The following KAZN variants were observed in gnomAD, a reference collection of about 807,000 sequenced individuals.
The protein encoded by KAZN is kazrin.
In KAZN, 40 loss-of-function variants were observed where a neutral mutation model predicts 87.4. The ratio of observed to expected loss-of-function variants is 0.46; its 90% confidence interval spans 0.36 to 0.60. KAZN has a LOEUF of 0.60. Among genes scored for constraint, KAZN ranks in the 20% least tolerant of loss-of-function variants. The probability of loss-of-function intolerance (pLI) is 0.00; values close to 1 mark genes in which losing one functional copy is unlikely to be tolerated. For synonymous variants in KAZN, 466 were observed against 458.3 expected (o/e 1.02, Z -0.22); for missense variants, 898 against 1,073.9 (o/e 0.84, Z 2.29).
At chr1:14,997,210 TTTATTTATTTATTTA>T (rs1667976307) in intron 2 of KAZN, among the ~76,000 whole-genome samples, 1 of 71,448 alleles carries the variant, frequency 1.4e-5, no homozygotes, top group African/African-American at 1.1e-4. Context: ...CTTTCATTTA[TTTATTTATTTATTTA>T]TTTATTTATT....
chr1:14,432,159 C>T (rs1179113728), intron 2 of KAZN, among the ~76,000 whole-genome samples: 1 of 152,190 alleles, frequency 6.6e-6, no homozygotes, highest in African/African-American at 2.4e-5. Context: ...GGAGAAGCAG[C>T]TACACACCCT....
chr1:14,304,878 C>T (rs981590134), intron 2 of KAZN, among the ~76,000 whole-genome samples: 5 of 151,650 alleles, frequency 3.3e-5, no homozygotes, highest in African/African-American at 9.7e-5. Flanking sequence ...AGGACTGTGT[C>T]GTCTTTCATC....
At chr1:14,141,961 AT>A (rs5772566) in intron 1 of KAZN, among the ~76,000 whole-genome samples, 1 of 151,874 alleles carries the variant, frequency 6.6e-6, no homozygotes, top group African/African-American at 2.4e-5. Context: ...GAGAATTGAT[AT>A]TTTTTCCCCT....
At chr1:14,094,948 G>A (rs897470329) in intron 1 of KAZN, among the ~76,000 whole-genome samples, 6 of 152,152 alleles carry the variant, frequency 3.9e-5, no homozygotes, top group East Asian at 1.9e-4. Context: ...TTTGGGGGCC[G>A]CAATGTTCAA....
chr1:14,511,439 G>A (rs1003958215), intron 2 of KAZN, among the ~76,000 whole-genome samples: 3 of 152,182 alleles, frequency 2.0e-5, no homozygotes, highest in African/African-American at 7.2e-5. Context: ...AAAGAATTTA[G>A]GGAACAAATT....
In KAZN at chr1:14,773,991, G is replaced by A. The variant is rs1376056006; in HGVS notation, c.226+174768G>A. On this transcript the variant is annotated intron_variant, in intron 1 of 14. Transcript: ENST00000376030. The surrounding 1 kb of genome is among the most constrained non-coding windows in gnomAD (Gnocchi z 5.9). ...GGCTGCTGCCAACCAAGGCGCCCTT[G>A]TGGGCTGTTCACCTGAGCTGCCGCC... 6.6e-6 allele frequency among the ~76,000 whole-genome samples: 1 copy of A among 152,232 alleles called. No individual in the cohort carries two copies. Among genetic ancestry groups the A allele is most frequent in the Non-Finnish European group, 1.5e-5 (1 of 68,042 alleles).
At chr1:14,212,495 A>T (rs1052324067) in intron 2 of KAZN, among the ~76,000 whole-genome samples, 16 of 152,228 alleles carry the variant, frequency 1.1e-4, no homozygotes, top group Non-Finnish European at 1.8e-4. Context: ...AAAAAAAAAA[A>T]AGGTAAAATG....
intron 11 of KAZN, among the ~76,000 whole-genome samples, chr1:15,102,258 AAAAG>A: frequency 6.6e-6 from 1 of 152,356 alleles, no homozygotes; most frequent in South Asian, 2.1e-4. Context: ...AAAAAAGAAA[AAAAG>A]AAAACCCAGA....
rs114909978 is a variant in KAZN, at chr1:14,695,966, G to A, written c.226+96743G>A. The stretch of plus-strand genomic sequence containing the variant: ...CCTGTTTTGGTGAATACAGTAAAAA[G>A]CCTTCCAGGAGACGTGTTGATACAC... On this transcript the variant is annotated intron_variant, in intron 1 of 14. Coordinates refer to ENST00000376030, the MANE Select transcript of KAZN (RefSeq NM_201628.3). 5.7e-3 allele frequency among the ~76,000 whole-genome samples: 868 copies of A among 152,282 alleles called. 5 individuals are homozygous for A. The highest frequency in any genetic ancestry group is 0.01 in the Admixed American group (160 of 15,302).
intron 1 of KAZN, among the ~76,000 whole-genome samples, chr1:14,098,681 G>A (rs1397575277): frequency 6.6e-6 from 1 of 152,090 alleles, no homozygotes; most frequent in Non-Finnish European, 1.5e-5. Context: ...TGTAGGGTTG[G>A]GGCCATTTGG....
chr1:14,527,574 G>C (rs999416925), intron 2 of KAZN, among the ~76,000 whole-genome samples: 5 of 150,968 alleles, frequency 3.3e-5, no homozygotes, highest in African/African-American at 1.2e-4. Flanking sequence ...AACGATACAG[G>C]TTTATCTGGC....
intron 8 of KAZN, among the ~76,000 whole-genome samples, chr1:15,092,452 T>C (rs1640596114): frequency 8.5e-6 from 1 of 117,850 alleles, no homozygotes; most frequent in Non-Finnish European, 2.1e-5. Context: ...TGTGTTTTTA[T>C]TTGTTTTGTT....
intron 2 of KAZN, among the ~76,000 whole-genome samples, chr1:14,339,244 T>A (rs1204631009): frequency 6.6e-6 from 1 of 152,220 alleles, no homozygotes; most frequent in Admixed American, 6.5e-5. Context: ...CCTGTTCTCA[T>A]TCTTTGAATG....
intron 1 of KAZN, among the ~76,000 whole-genome samples, chr1:14,128,968 AAGGGAATTTTAACATAAGCCTAGC>A (rs1472582974): frequency 6.6e-6 from 1 of 152,170 alleles, no homozygotes; most frequent in Non-Finnish European, 1.5e-5. Flanking sequence ...TTCCATCTTT[AAGGGAATTTTAACATAAGCCTAGC>A]AGGTAATAAA....
chr1:13,978,397 A>G (rs1002294546), intron 1 of KAZN, among the ~76,000 whole-genome samples: 7 of 151,812 alleles, frequency 4.6e-5, no homozygotes, highest in South Asian at 4.1e-4. Context: ...TCAGACACAG[A>G]CTTTAAAATA....
At chr1:14,382,653 A>AT (rs936601169) in intron 2 of KAZN, among the ~76,000 whole-genome samples, 3 of 146,812 alleles carry the variant, frequency 2.0e-5, no homozygotes, top group Non-Finnish European at 3.0e-5. Flanking sequence ...TGAACTGATC[A>AT]TTTTTTATGG....
At chr1:14,768,407 C>T (rs966444257) in intron 1 of KAZN, among the ~76,000 whole-genome samples, 3 of 152,128 alleles carry the variant, frequency 2.0e-5, no homozygotes, top group African/African-American at 4.8e-5. Context: ...TCATTTGATG[C>T]GTGTGGAAAC....
At chr1:14,909,344 C>T (rs1410200021) in intron 1 of KAZN, among the ~76,000 whole-genome samples, 1 of 152,180 alleles carries the variant, frequency 6.6e-6, no homozygotes, top group Non-Finnish European at 1.5e-5. Flanking sequence ...AAGGATTCCC[C>T]ATGGCCTCTG....
intron 2 of KAZN, among the ~76,000 whole-genome samples, chr1:14,444,526 G>T (rs1666870220): frequency 6.6e-6 from 1 of 151,974 alleles, no homozygotes; most frequent in African/African-American, 2.4e-5. Flanking sequence ...TGGTCAGGCT[G>T]GTCTCAAAAC....
Sources: gnomAD v4.1 joint callset for allele counts (sites outside exome capture counted in the v4.1 genomes callset) on GRCh38, gnomAD v4.1.1 for gene constraint, Gnocchi (gnomAD v3.1) non-coding constraint, MANE v1.5 for transcripts, NCBI Gene and HGNC (gene_info 2026-07-23, HGNC 2026-07-21) for gene names.